LIN7A: variants seen among roughly 807,000 people sequenced by gnomAD.
LIN7A encodes lin-7 cell polarity scaffold A, also known as protein lin-7 homolog A.
Under a neutral mutation model 29.8 loss-of-function variants are expected in LIN7A, and 25 were observed. The ratio of observed to expected loss-of-function variants is 0.84; its 90% CI spans 0.61 to 1.17. LIN7A has a LOEUF of 1.17. LIN7A is among the 50% of genes most tolerant of loss of function. LIN7A has a pLI of 0.00. For missense variants in LIN7A, 239 were observed against 287.0 expected (o/e 0.83, Z 1.21); for synonymous variants, 118 against 107.5 (o/e 1.10, Z -0.60).
chr12:80,891,083 A>G (rs927261881), intron 1 of LIN7A, among the ~76,000 whole-genome samples: 3 of 152,050 alleles, frequency 2.0e-5, no homozygotes, highest in African/African-American at 7.2e-5. Flanking sequence ...CCCCTTGCAT[A>G]CAGATAGTCG....
chr12:80,929,838 G>A (rs557735615), intron 1 of LIN7A, among the ~76,000 whole-genome samples: 106 of 152,040 alleles, frequency 7.0e-4, no homozygotes, highest in Non-Finnish European at 1.4e-3. Flanking sequence ...TGGAAGCCAG[G>A]TTATTTGTCC....
chr12:80,897,179 C>T (rs557318731), intron 1 of LIN7A, among the ~76,000 whole-genome samples: 63 of 150,212 alleles, frequency 4.2e-4, no homozygotes, highest in Non-Finnish European at 8.3e-4. Context: ...CAAGTTTTGC[C>T]TTCCTTTCTG....
intron 1 of LIN7A, among the ~76,000 whole-genome samples, chr12:80,915,719 G>T (rs1876999384): frequency 6.6e-6 from 1 of 152,344 alleles, no homozygotes; most frequent in South Asian, 2.1e-4. Context: ...CATGTGCTTT[G>T]CAGCAACTGG....
intron 3 of LIN7A, 78 bp downstream of exon 3, chr12:80,848,173 T>C (rs1592891589): frequency 9.6e-7 from 1 of 1,045,200 alleles, no homozygotes; most frequent in East Asian, 2.5e-5. Context: ...CACACGAGAA[T>C]ACCTGAAACA....
chr12:80,809,635 T>G (rs1414121721), intron 5 of LIN7A, among the ~76,000 whole-genome samples: 1 of 152,216 alleles, frequency 6.6e-6, no homozygotes, highest in Non-Finnish European at 1.5e-5. Flanking sequence ...TCTAAAAAAC[T>G]ATTTATTGAT....
At chr12:80,843,047 A>G (rs530865541) in intron 4 of LIN7A, among the ~76,000 whole-genome samples, 1 of 152,288 alleles carries the variant, frequency 6.6e-6, no homozygotes, top group Non-Finnish European at 1.5e-5. Context: ...TGAAAAAATG[A>G]TGCTTTACTT....
intron 1 of LIN7A, among the ~76,000 whole-genome samples, chr12:80,890,124 A>G (rs999802874): frequency 2.6e-5 from 4 of 152,172 alleles, no homozygotes; most frequent in Non-Finnish European, 5.9e-5. Context: ...TCACTTAACA[A>G]TATCAAAGGT....
intron 2 of LIN7A, among the ~76,000 whole-genome samples, chr12:80,866,968 A>G (rs563470422): frequency 6.6e-6 from 1 of 151,622 alleles, no homozygotes; most frequent in Non-Finnish European, 1.5e-5. Context: ...TCTTTTTTTT[A>G]TTTTTATTTT....
At chr12:80,871,028 A>T (rs897422359) in intron 2 of LIN7A, among the ~76,000 whole-genome samples, 1 of 152,200 alleles carries the variant, frequency 6.6e-6, no homozygotes, top group African/African-American at 2.4e-5. Context: ...GAAATGATCT[A>T]AGCCCCAAGG....
At chr12:80,899,185 A>G (rs1433198494) in intron 1 of LIN7A, among the ~76,000 whole-genome samples, 1 of 152,118 alleles carries the variant, frequency 6.6e-6, no homozygotes, top group African/African-American at 2.4e-5. Flanking sequence ...GGTTTTTAGC[A>G]TGATGTGATG....
At chr12:80,811,282 T>A (rs1397485322) in intron 5 of LIN7A, among the ~76,000 whole-genome samples, 183 bp downstream of exon 5, 1 of 152,242 alleles carries the variant, frequency 6.6e-6, no homozygotes, top group Admixed American at 6.5e-5. Flanking sequence ...TATATACTTT[T>A]AGATCACTGT....
intron 5 of LIN7A, among the ~76,000 whole-genome samples, chr12:80,800,163 T>G (rs1870645607): frequency 6.6e-6 from 1 of 152,106 alleles, no homozygotes; most frequent in African/African-American, 2.4e-5. Context: ...TCCACCATTT[T>G]GATAACCTAG....
chr12:80,937,859 A>T lies in LIN7A; in HGVS notation c.-137T>A. On this transcript the variant is annotated 5_prime_UTR_variant, in exon 1 of 6. Coordinates refer to ENST00000552864, the MANE Select transcript of LIN7A (RefSeq NM_004664.4). Reference sequence around the variant, plus strand: ...AGAAAGCTTGGGTGGGTTGGTAGCCAGATGGAGACGCAACTGTTCCGCGGC... The same window carrying T: ...AGAAAGCTTGGGTGGGTTGGTAGCCTGATGGAGACGCAACTGTTCCGCGGC... The T allele has an allele frequency of 1.7e-6, 1 of 593,484 alleles. No individual in the cohort carries two copies. Among genetic ancestry groups the T allele is most frequent in the Non-Finnish European group, 2.8e-6 (1 of 359,666 alleles). 36.8% of individuals were successfully genotyped at this position (593,484 alleles called of 1,614,324 possible). A position where few individuals can be genotyped will look rare whatever the true frequency, so the allele number is the denominator to read the frequency against.
rs1476399728 is a variant in LIN7A, at chr12:80,796,726, C to T, written c.*1001G>A. 1.3e-5 allele frequency: 2 copies of T among 151,936 alleles called. No homozygotes were observed. Among genetic ancestry groups the T allele is most frequent in the Non-Finnish European group, 2.9e-5 (2 of 67,992 alleles). The allele number at this position is 151,936 out of a possible 1,614,324, so 9.4% of individuals were successfully genotyped here. ...TATATGCACATATAATTTAGTTTTGCTAAGCTTTAAAATATGAAATAGGCT... is the reference window on the plus strand; with the variant it reads ...TATATGCACATATAATTTAGTTTTGTTAAGCTTTAAAATATGAAATAGGCT... On this transcript the variant is annotated 3_prime_UTR_variant, in exon 6 of 6. Transcript: ENST00000552864.
At chr12:80,897,568 A>C (rs2120706793) in intron 1 of LIN7A, among the ~76,000 whole-genome samples, 1 of 152,178 alleles carries the variant, frequency 6.6e-6, no homozygotes, top group East Asian at 1.9e-4. Context: ...GCACTTTGAG[A>C]GGAGAGGTGG....
chr12:80,839,604 G>GT (rs939209907), intron 4 of LIN7A, among the ~76,000 whole-genome samples: 3 of 152,114 alleles, frequency 2.0e-5, no homozygotes, highest in African/African-American at 7.2e-5. Context: ...AACTTTTTAT[G>GT]TTTTCTCTTT....
chr12:80,890,820 A>T (rs1432181442), intron 1 of LIN7A, among the ~76,000 whole-genome samples: 1 of 152,142 alleles, frequency 6.6e-6, no homozygotes, highest in Non-Finnish European at 1.5e-5. Flanking sequence ...ACTGCAAAAG[A>T]TACTCTACCT....
intron 2 of LIN7A, among the ~76,000 whole-genome samples, chr12:80,870,790 C>G (rs1244215423): frequency 6.6e-6 from 1 of 152,142 alleles, no homozygotes; most frequent in Non-Finnish European, 1.5e-5. Context: ...CAGGTGCTAG[C>G]TCCAAGTTGA....
chr12:80,878,611 T>G (rs906185086), intron 2 of LIN7A, among the ~76,000 whole-genome samples: 4 of 152,220 alleles, frequency 2.6e-5, no homozygotes, highest in Admixed American at 6.5e-5. Flanking sequence ...GAAAGAGATC[T>G]GAGCGGGTTG....
Sources: allele counts gnomAD v4.1 joint callset (sites outside exome capture counted in the v4.1 genomes callset), GRCh38; gene constraint gnomAD v4.1.1; transcripts MANE v1.5; gene names NCBI Gene and HGNC (gene_info 2026-07-23, HGNC 2026-07-21).